Variants in MIPOL1 observed in about 807,000 individuals in gnomAD.
The protein encoded by MIPOL1 is mirror-image polydactyly gene 1 protein.
MIPOL1 carries 57 observed loss-of-function variants against 60.9 expected under a neutral mutation model. The ratio of observed to expected loss-of-function variants is 0.94; its 90% CI spans 0.76 to 1.17. MIPOL1 has a LOEUF of 1.17. Ranked by LOEUF, MIPOL1 falls within the 50% of genes most tolerant of loss-of-function variation. MIPOL1 has a pLI of 0.00. For missense variants in MIPOL1, 551 were observed against 511.6 expected (o/e 1.08, Z -0.74); for synonymous variants, 179 against 168.8 (o/e 1.06, Z -0.47).
intron 11 of MIPOL1, among the ~76,000 whole-genome samples, chr14:37,488,314 G>A (rs1423552167): frequency 2.0e-5 from 3 of 152,286 alleles, no homozygotes; most frequent in South Asian, 4.1e-4. Flanking sequence ...TTAGGGTGGA[G>A]AGTTCTGTAG....
intron 12 of MIPOL1, among the ~76,000 whole-genome samples, chr14:37,534,940 C>T (rs2095499284): frequency 6.6e-6 from 1 of 151,996 alleles, no homozygotes; most frequent in African/African-American, 2.4e-5. Context: ...CTTACAAAGT[C>T]TTAATTAAGC....
At chr14:37,356,379 C>G (rs1251961446) in intron 9 of MIPOL1, among the ~76,000 whole-genome samples, 1 of 151,918 alleles carries the variant, frequency 6.6e-6, no homozygotes, top group Admixed American at 6.6e-5. Context: ...TGCCCTGCCC[C>G]CAGAGGTGAA....
chr14:37,377,729 C>A (rs2092814975), intron 10 of MIPOL1, among the ~76,000 whole-genome samples: 1 of 137,380 alleles, frequency 7.3e-6, no homozygotes, highest in Non-Finnish European at 1.6e-5. Flanking sequence ...GTGGTTATTT[C>A]TTTCCTATTT....
chr14:37,271,365 G>T (rs1044174366), intron 6 of MIPOL1, among the ~76,000 whole-genome samples: 1 of 151,896 alleles, frequency 6.6e-6, no homozygotes, highest in African/African-American at 2.4e-5. Flanking sequence ...ATTGAATTTT[G>T]TGATTAGTCT....
intron 7 of MIPOL1, among the ~76,000 whole-genome samples, chr14:37,293,881 G>T (rs924210256): frequency 6.6e-6 from 1 of 152,170 alleles, no homozygotes; most frequent in Non-Finnish European, 1.5e-5. Flanking sequence ...CCACCTCTGG[G>T]GGCAGGGCAC....
At chr14:37,305,638 A>G (rs965785018) in intron 7 of MIPOL1, among the ~76,000 whole-genome samples, 4 of 151,840 alleles carry the variant, frequency 2.6e-5, no homozygotes, top group Admixed American at 6.6e-5. Context: ...TATTTCCTGA[A>G]ACTTTTAAAA....
chr14:37,294,849 G>T (rs1567325141), intron 7 of MIPOL1, among the ~76,000 whole-genome samples: 1 of 152,024 alleles, frequency 6.6e-6, no homozygotes, highest in Non-Finnish European at 1.5e-5. Context: ...GAAAGTGACG[G>T]GGAGAATGGA....
At chr14:37,275,987 T>C (rs537643782) in intron 6 of MIPOL1, among the ~76,000 whole-genome samples, 2 of 151,336 alleles carry the variant, frequency 1.3e-5, no homozygotes, top group African/African-American at 4.8e-5. Flanking sequence ...GTTCCTGATA[T>C]CTCATGGAGA....
At chr14:37,529,061 A>G (rs1320860209) in intron 12 of MIPOL1, among the ~76,000 whole-genome samples, 3 of 152,216 alleles carry the variant, frequency 2.0e-5, no homozygotes, top group Non-Finnish European at 2.9e-5. Context: ...GGTGACAAGT[A>G]TGAATAACTC....
At chr14:37,456,170 T>C (rs1406424790) in intron 11 of MIPOL1, among the ~76,000 whole-genome samples, 3 of 152,034 alleles carry the variant, frequency 2.0e-5, no homozygotes, top group Non-Finnish European at 4.4e-5. Flanking sequence ...AAATAAGACA[T>C]AGGTCAGTTT....
intron 9 of MIPOL1, among the ~76,000 whole-genome samples, chr14:37,314,166 A>C (rs1453265900): frequency 1.3e-5 from 2 of 152,190 alleles, no homozygotes; most frequent in African/African-American, 2.4e-5. Context: ...CCTTTAGATG[A>C]AATATAATGA....
At chr14:37,331,766 TC>T (rs2089709869) in intron 9 of MIPOL1, among the ~76,000 whole-genome samples, 1 of 152,194 alleles carries the variant, frequency 6.6e-6, no homozygotes, top group African/African-American at 2.4e-5. Context: ...TATATCTTTC[TC>T]TTGTCAAATT....
intron 12 of MIPOL1, among the ~76,000 whole-genome samples, chr14:37,528,786 C>G (rs1362768151): frequency 6.6e-6 from 1 of 151,942 alleles, no homozygotes; most frequent in Non-Finnish European, 1.5e-5. Context: ...ACACTGGTAC[C>G]TAATAGAAAA....
chr14:37,239,905 G>A (rs1488340911), intron 1 of MIPOL1, among the ~76,000 whole-genome samples: 1 of 152,104 alleles, frequency 6.6e-6, no homozygotes, highest in Non-Finnish European at 1.5e-5. Flanking sequence ...TCTATAACCT[G>A]TAAGCTGACT....
intron 9 of MIPOL1, among the ~76,000 whole-genome samples, chr14:37,323,043 C>G (rs2088774467): frequency 6.6e-6 from 1 of 152,096 alleles, no homozygotes; most frequent in Admixed American, 6.6e-5. Flanking sequence ...GTCATGAAGT[C>G]TTTGCCCATA....
At chr14:37,534,567 G>A (rs1258736384) in intron 12 of MIPOL1, among the ~76,000 whole-genome samples, 2 of 152,072 alleles carry the variant, frequency 1.3e-5, no homozygotes, top group Admixed American at 6.6e-5. Context: ...ATATACAGTG[G>A]TAAACACATT....
Position 37,402,336 on chromosome 14 carries a change from G to C in MIPOL1, c.937-20519G>C, listed in dbSNP as rs201599934. Among the ~76,000 whole-genome samples, 41 of 152,182 alleles carry C rather than the reference G, an allele frequency of 2.7e-4. 1 individual carries two copies. In the East Asian group the frequency reaches 7.7e-3, roughly 29 times the overall value. ...TTTGCCACCTTTTGGGGAGATAAACGTACCCCAAAATGCATATAAAATTAG... is the reference window on the plus strand; with the variant it reads ...TTTGCCACCTTTTGGGGAGATAAACCTACCCCAAAATGCATATAAAATTAG... On this transcript the variant is annotated intron_variant, in intron 10 of 12. Transcript: ENST00000684589.
At chr14:37,331,234 C>T (rs1260134227) in intron 9 of MIPOL1, among the ~76,000 whole-genome samples, 1 of 151,704 alleles carries the variant, frequency 6.6e-6, no homozygotes, top group Non-Finnish European at 1.5e-5. Flanking sequence ...GCTTTGACTA[C>T]TCTTGGAATC....
At position 37,550,825 on chromosome 14, in the gene MIPOL1, A is replaced by T. The variant is rs1426313873; in HGVS notation, c.*3854A>T. ...CCAGAAGAGCATCTCAAGTTACCAA[A>T]TTTTTTGTAATCCTTTTACTAGAAA... On this transcript the variant is annotated 3_prime_UTR_variant, in exon 13 of 13. Transcript: ENST00000684589. 1 of 152,472 alleles carries T rather than the reference A, an allele frequency of 6.6e-6. No individual in the cohort carries two copies. The highest frequency in any genetic ancestry group is 2.4e-5 in the African/African-American group (1 of 41,430). The allele number at this position is 152,472 out of a possible 1,614,324, so 9.4% of individuals were successfully genotyped here.
Sources: gnomAD v4.1 joint callset for allele counts (sites outside exome capture counted in the v4.1 genomes callset) on GRCh38, gnomAD v4.1.1 for gene constraint, MANE v1.5 for transcripts, NCBI Gene and HGNC (gene_info 2026-07-23, HGNC 2026-07-21) for gene names.